AKT3: variants seen among roughly 807,000 people sequenced by gnomAD.
The protein encoded by AKT3 is RAC-gamma serine/threonine-protein kinase.
In AKT3, 15 loss-of-function variants were observed where a neutral mutation model predicts 65.3. The observed-to-expected ratio is 0.23, with a 90% CI of 0.15 to 0.35. The LOEUF is 0.35. Among genes scored for constraint, AKT3 ranks in the 10% least tolerant of loss-of-function variants. The pLI, the probability that AKT3 is intolerant of heterozygous loss-of-function variation, is 1.00. For missense variants in AKT3, 243 were observed against 576.5 expected (o/e 0.42, Z 5.92); for synonymous variants, 206 against 183.8 (o/e 1.12, Z -0.98).
rs1669499427 is a variant in AKT3, at chr1:243,503,830, T to C, written c.*1419A>G. 8.7e-6 allele frequency: 2 copies of C among 230,818 alleles called. No individual in the cohort carries two copies. Among genetic ancestry groups the C allele is most frequent in the South Asian group, 3.6e-4 (2 of 5,512 alleles). The allele number at this position is 230,818 out of a possible 1,614,324, so 14.3% of individuals were successfully genotyped here. On this transcript the variant is annotated 3_prime_UTR_variant, in exon 14 of 14. Coordinates refer to ENST00000673466, the MANE Select transcript of AKT3 (RefSeq NM_005465.7). The stretch of plus-strand genomic sequence containing the variant: ...CCATTTCCTAAATACTCAAGATGTG[T>C]TCATTTTGCCACGTAAAGATCATTT...
chr1:243,700,764 AGTG>A (rs1685398777), intron 2 of AKT3, among the ~76,000 whole-genome samples: 1 of 152,142 alleles, frequency 6.6e-6, no homozygotes, highest in African/African-American at 2.4e-5. Context: ...GGCATCCCAA[AGTG>A]GTGGGATTAC....
chr1:243,845,599 A>AAAAAAAAAAAG lies in AKT3; in HGVS notation c.-112-2318_-112-2317insCTTTTTTTTTT, dbSNP rs1056722848. On this transcript the variant is annotated intron_variant, in intron 1 of 13. Transcript: ENST00000673466. ...GTGAGAACCTGTCTCAAAAAAAAAA[A>AAAAAAAAAAAG]AAAAGAAAAGAAAAGAAAAAGAATT... is the stretch of plus-strand genomic sequence containing the variant. Among the ~76,000 whole-genome samples the AAAAAAAAAAAG allele has an allele frequency of 3.7e-3, 535 of 146,536 alleles. 1 individual carries two copies. The highest frequency in any genetic ancestry group is 0.01 in the Middle Eastern group (3 of 286).
downstream of AKT3, among the ~76,000 whole-genome samples, chr1:243,497,072 C>T (rs890549963): frequency 1.7e-4 from 26 of 152,198 alleles, no homozygotes; most frequent in Non-Finnish European, 3.2e-4. Flanking sequence ...CACTGGCATA[C>T]GCACGCTCTA....
intron 2 of AKT3, among the ~76,000 whole-genome samples, chr1:243,697,377 T>C (rs1685121534): frequency 1.3e-5 from 2 of 151,908 alleles, no homozygotes; most frequent in African/African-American, 4.8e-5. Context: ...GGAAAAAATC[T>C]GGCTCAAAGA....
chr1:243,736,253 CTTAGG>C (rs1687836572), intron 2 of AKT3, among the ~76,000 whole-genome samples: 1 of 152,158 alleles, frequency 6.6e-6, no homozygotes, highest in African/African-American at 2.4e-5. Context: ...TGTTCTAAAG[CTTAGG>C]TTATTTTATA....
At chr1:243,579,177 G>C (rs1033965872) in intron 8 of AKT3, among the ~76,000 whole-genome samples, 15 of 152,096 alleles carry the variant, frequency 9.9e-5, no homozygotes, top group African/African-American at 3.4e-4. Flanking sequence ...ATGGGAATGG[G>C]GACAGAGGAG....
intron 1 of AKT3, 76 bp downstream of exon 1, chr1:243,849,964 C>G (rs1435275250): frequency 1.1e-6 from 1 of 947,280 alleles, no homozygotes; most frequent in African/African-American, 1.8e-5. Flanking sequence ...GCAGGGAGGG[C>G]GGACCGGGGC....
intron 8 of AKT3, among the ~76,000 whole-genome samples, chr1:243,609,709 C>G (rs1009559472): frequency 6.6e-6 from 1 of 151,980 alleles, no homozygotes; most frequent in Non-Finnish European, 1.5e-5. Context: ...TAGCCCAATC[C>G]AAAACAGAAA....
At chr1:243,781,901 C>G (rs1690939212) in intron 2 of AKT3, among the ~76,000 whole-genome samples, 1 of 152,168 alleles carries the variant, frequency 6.6e-6, no homozygotes, top group Non-Finnish European at 1.5e-5. Context: ...CAGCTCACTG[C>G]AGCCTCGACC....
At chr1:243,746,029 T>C (rs2148192606) in intron 2 of AKT3, among the ~76,000 whole-genome samples, 1 of 152,294 alleles carries the variant, frequency 6.6e-6, no homozygotes, top group Non-Finnish European at 1.5e-5. Flanking sequence ...AATGCAGGTA[T>C]CAAAAACTTC....
chr1:243,673,554 A>C (rs1458704560), intron 3 of AKT3, among the ~76,000 whole-genome samples: 1 of 151,778 alleles, frequency 6.6e-6, no homozygotes, highest in African/African-American at 2.4e-5. Flanking sequence ...TCAGATGTAC[A>C]CAGGATATTT....
intron 8 of AKT3, among the ~76,000 whole-genome samples, chr1:243,583,590 C>CA (rs1482315722): frequency 4.0e-5 from 5 of 126,082 alleles, no homozygotes; most frequent in African/African-American, 1.3e-4. Context: ...GAAAAACAAA[C>CA]AAAAAAACCC....
intron 3 of AKT3, among the ~76,000 whole-genome samples, chr1:243,677,568 A>G: frequency 6.6e-6 from 1 of 152,254 alleles, no homozygotes; most frequent in Non-Finnish European, 1.5e-5. Flanking sequence ...CAAAAAATAG[A>G]TATTTTTGAA....
chr1:243,765,231 T>C (rs1054501374), intron 2 of AKT3, among the ~76,000 whole-genome samples: 40 of 152,112 alleles, frequency 2.6e-4, no homozygotes, highest in Non-Finnish European at 4.3e-4. Context: ...ACAAGAGGAC[T>C]TGTTAATTTT....
At chr1:243,684,236 C>T (rs1684126175) in intron 3 of AKT3, among the ~76,000 whole-genome samples, 1 of 151,886 alleles carries the variant, frequency 6.6e-6, no homozygotes, top group Admixed American at 6.6e-5. Context: ...TATACACGTG[C>T]CATGGTGGTT....
chr1:243,807,165 G>A (rs1056188103), intron 2 of AKT3, among the ~76,000 whole-genome samples: 3 of 152,202 alleles, frequency 2.0e-5, no homozygotes, highest in African/African-American at 7.2e-5. Flanking sequence ...TCATCTCAAT[G>A]GGGATTGTCG....
At chr1:243,776,962 A>T (rs1690590805) in intron 2 of AKT3, among the ~76,000 whole-genome samples, 2 of 152,236 alleles carry the variant, frequency 1.3e-5, no homozygotes, top group Admixed American at 1.3e-4. Context: ...GGTGAAATAA[A>T]CAGAAAACCA....
intron 13 of AKT3, among the ~76,000 whole-genome samples, chr1:243,508,278 A>C (rs1669796675): frequency 6.6e-6 from 1 of 152,236 alleles, no homozygotes; most frequent in Admixed American, 6.5e-5. Flanking sequence ...AGAAGAACCC[A>C]GAAGCTGCAG....
intron 2 of AKT3, among the ~76,000 whole-genome samples, chr1:243,812,967 G>A (rs1693265962): frequency 7.4e-6 from 1 of 135,224 alleles, no homozygotes; most frequent in Non-Finnish European, 1.5e-5. Flanking sequence ...GCATAGGTGG[G>A]AACTGAACAG....
Sources: gnomAD v4.1 joint callset for allele counts (sites outside exome capture counted in the v4.1 genomes callset) on GRCh38, gnomAD v4.1.1 for gene constraint, MANE v1.5 for transcripts, NCBI Gene and HGNC (gene_info 2026-07-23, HGNC 2026-07-21) for gene names.